MRTFA: variants seen among roughly 807,000 people sequenced by gnomAD.
MRTFA encodes the protein myocardin related transcription factor A, also known as myocardin-related transcription factor A.
Under a neutral mutation model 83.5 loss-of-function variants are expected in MRTFA, and 20 were observed. The ratio of observed to expected loss-of-function variants is 0.24; its 90% CI spans 0.17 to 0.35. MRTFA has a LOEUF of 0.35. Among genes scored for constraint, MRTFA ranks in the 10% least tolerant of loss-of-function variants. The probability of loss-of-function intolerance (pLI) is 1.00; values close to 1 mark genes in which losing one functional copy is unlikely to be tolerated. For synonymous variants in MRTFA, 659 were observed against 541.2 expected, an observed-to-expected ratio of 1.22 and a Z score of -3.02; for missense variants, 1,200 against 1,224.7, an observed-to-expected ratio of 0.98 and a Z score of 0.30.
chr22:40,539,899 G>A (rs1467994683), intron 3 of MRTFA, among the ~76,000 whole-genome samples: 4 of 149,544 alleles, frequency 2.7e-5, no homozygotes, highest in South Asian at 4.2e-4. Flanking sequence ...AAATTTTCAC[G>A]GTTATCTTTT....
intron 1 of MRTFA, among the ~76,000 whole-genome samples, chr22:40,634,104 T>C (rs1321300562): frequency 6.6e-6 from 1 of 152,030 alleles, no homozygotes; most frequent in African/African-American, 2.4e-5. Context: ...ATTTTTTTTT[T>C]TTTTTGAGAC....
intron 3 of MRTFA, chr22:40,522,027 T>G (rs1360681890): frequency 6.6e-6 from 1 of 152,244 alleles, no homozygotes. Flanking sequence ...ATTTTTGTAT[T>G]TTTAGTAGAG....
intron 3 of MRTFA, among the ~76,000 whole-genome samples, chr22:40,524,896 C>T (rs1490615562): frequency 6.6e-6 from 1 of 152,204 alleles, no homozygotes; most frequent in African/African-American, 2.4e-5. Flanking sequence ...CAACCTCCAC[C>T]TCCCAGGTTC....
intron 4 of MRTFA, among the ~76,000 whole-genome samples, chr22:40,437,306 G>A (rs1442828065): frequency 6.6e-6 from 1 of 152,122 alleles, no homozygotes; most frequent in East Asian, 1.9e-4. Flanking sequence ...CGGGTGTGAT[G>A]CATCACACGT....
At chr22:40,465,043 G>A (rs557417665) in intron 3 of MRTFA, among the ~76,000 whole-genome samples, 32 of 152,190 alleles carry the variant, frequency 2.1e-4, no homozygotes, top group Non-Finnish European at 4.0e-4. Context: ...CAAGTACCGT[G>A]AATTTTTTCC....
intron 4 of MRTFA, among the ~76,000 whole-genome samples, chr22:40,455,249 C>T (rs181503004): frequency 3.3e-5 from 5 of 152,246 alleles, no homozygotes; most frequent in Admixed American, 2.6e-4. Flanking sequence ...ACAGCACATG[C>T]GGCTAATGGT....
chr22:40,588,861 A>C (rs2056072182), intron 2 of MRTFA, among the ~76,000 whole-genome samples: 1 of 152,154 alleles, frequency 6.6e-6, no homozygotes, highest in African/African-American at 2.4e-5. Context: ...ACATGCCTGC[A>C]ATCCTAGCTA....
At chr22:40,528,467 G>T (rs778082459) in intron 3 of MRTFA, among the ~76,000 whole-genome samples, 2 of 152,068 alleles carry the variant, frequency 1.3e-5, no homozygotes, top group South Asian at 2.1e-4. Context: ...GCCAGGCGTG[G>T]TGGCTCACAC....
At chr22:40,575,229 C>A (rs951908858) in intron 2 of MRTFA, among the ~76,000 whole-genome samples, 1 of 152,110 alleles carries the variant, frequency 6.6e-6, no homozygotes, top group African/African-American at 2.4e-5. Flanking sequence ...GATGTTAACT[C>A]CTTTCCCTGT....
intron 3 of MRTFA, among the ~76,000 whole-genome samples, chr22:40,515,590 G>A (rs1215511017): frequency 6.6e-6 from 1 of 152,088 alleles, no homozygotes; most frequent in African/African-American, 2.4e-5. Flanking sequence ...CTACCTGGGT[G>A]GCTGGGGCAC....
intron 4 of MRTFA, among the ~76,000 whole-genome samples, chr22:40,449,212 A>G (rs2053440646): frequency 6.7e-6 from 1 of 150,186 alleles, no homozygotes; most frequent in African/African-American, 2.5e-5. Flanking sequence ...GCTTGTAGTG[A>G]GCCGAGATTG....
chr22:40,477,304 C>G (rs2054014705), intron 3 of MRTFA, among the ~76,000 whole-genome samples: 1 of 151,344 alleles, frequency 6.6e-6, no homozygotes, highest in Admixed American at 6.6e-5. Flanking sequence ...GAGCCGAGAT[C>G]ACGCCACTGC....
chr22:40,547,268 A>C (rs186204332), intron 3 of MRTFA, among the ~76,000 whole-genome samples: 1 of 152,124 alleles, frequency 6.6e-6, no homozygotes, highest in African/African-American at 2.4e-5. Context: ...CTCAGGAAAT[A>C]ACTATTAAAG....
intron 3 of MRTFA, among the ~76,000 whole-genome samples, chr22:40,497,229 C>A (rs2054370865): frequency 2.0e-5 from 3 of 152,136 alleles, no homozygotes; most frequent in Non-Finnish European, 4.4e-5. Context: ...AGAGAAGGCA[C>A]CTGCACTGAA....
intron 1 of MRTFA, among the ~76,000 whole-genome samples, chr22:40,618,351 A>C (rs1426907609): frequency 6.6e-6 from 1 of 151,212 alleles, no homozygotes; most frequent in East Asian, 1.9e-4. Context: ...CGGCCTCCCA[A>C]AGTGCTGGGA....
At chr22:40,605,174 C>A (rs1419756329) in intron 1 of MRTFA, among the ~76,000 whole-genome samples, 2 of 151,940 alleles carry the variant, frequency 1.3e-5, no homozygotes, top group East Asian at 1.9e-4. Flanking sequence ...TATTAGATAC[C>A]CACCATATGC....
intron 3 of MRTFA, among the ~76,000 whole-genome samples, chr22:40,539,547 G>A (rs186885803): frequency 6.9e-6 from 1 of 144,150 alleles, no homozygotes; most frequent in African/African-American, 2.4e-5. Context: ...TCTGTAGCCA[G>A]GCTGGAGTGC....
intron 4 of MRTFA, among the ~76,000 whole-genome samples, chr22:40,453,327 C>T (rs2053528237): frequency 6.6e-6 from 1 of 152,192 alleles, no homozygotes; most frequent in Non-Finnish European, 1.5e-5. Context: ...AGGAAACGAT[C>T]ACCAAATGGG....
chr22:40,435,352 A>G (rs2053147709), intron 5 of MRTFA, 147 bp downstream of exon 5: 17 of 796,540 alleles, frequency 2.1e-5, no homozygotes, highest in Admixed American at 4.6e-5. Context: ...TTTCCATTTA[A>G]AACCACAAGG....
Sources: gnomAD v4.1 joint callset for allele counts (sites outside exome capture counted in the v4.1 genomes callset) on GRCh38, gnomAD v4.1.1 for gene constraint, MANE v1.5 for transcripts, NCBI Gene and HGNC (gene_info 2026-07-23, HGNC 2026-07-21) for gene names.